Variants in MYO3B observed in about 807,000 individuals in gnomAD.
MYO3B encodes the protein myosin IIIB.
Under a neutral mutation model 174.6 loss-of-function variants are expected in MYO3B, and 156 were observed. That is an observed-to-expected ratio of 0.89 (90% CI 0.78 to 1.02). The LOEUF (loss-of-function observed/expected upper bound fraction) is 1.02. MYO3B is among the 50% of genes least tolerant of loss of function. The probability of loss-of-function intolerance (pLI) is 0.00; values close to 1 mark genes in which losing one functional copy is unlikely to be tolerated. For synonymous variants in MYO3B, 563 were observed against 569.1 expected, an observed-to-expected ratio of 0.99 and a Z score of 0.15; for missense variants, 1,632 against 1,639.4, an observed-to-expected ratio of 1.00 and a Z score of 0.08.
intron 6 of MYO3B, among the ~76,000 whole-genome samples, chr2:170,231,572 T>C (rs1201470224): frequency 6.6e-6 from 1 of 152,224 alleles, no homozygotes; most frequent in Non-Finnish European, 1.5e-5. Flanking sequence ...TAAGTTTGCA[T>C]TTCAAGGTAG....
intron 7 of MYO3B, among the ~76,000 whole-genome samples, chr2:170,266,595 A>G (rs2093385378): frequency 6.6e-6 from 1 of 152,210 alleles, no homozygotes; most frequent in Non-Finnish European, 1.5e-5. Context: ...AGAGAAGTAC[A>G]AGGACTCTGA....
chr2:170,619,882 G>T (rs1297131191), intron 32 of MYO3B, among the ~76,000 whole-genome samples: 1 of 151,210 alleles, frequency 6.6e-6, no homozygotes, highest in Non-Finnish European at 1.5e-5. Flanking sequence ...GAGTAGCTGG[G>T]ATTACAGGCA....
At chr2:170,248,321 T>A (rs2093214633) in intron 7 of MYO3B, among the ~76,000 whole-genome samples, 1 of 152,206 alleles carries the variant, frequency 6.6e-6, no homozygotes, top group Non-Finnish European at 1.5e-5. Flanking sequence ...ATCTGCCTGA[T>A]AATACTGCTT....
intron 30 of MYO3B, among the ~76,000 whole-genome samples, chr2:170,523,680 T>C (rs1688819506): frequency 6.6e-6 from 1 of 152,212 alleles, no homozygotes; most frequent in Admixed American, 6.5e-5. Flanking sequence ...GTTCTCAGCA[T>C]GTCAGTCATG....
intron 7 of MYO3B, among the ~76,000 whole-genome samples, chr2:170,327,420 T>A (rs2093877038): frequency 6.6e-6 from 1 of 152,210 alleles, no homozygotes; most frequent in Non-Finnish European, 1.5e-5. Flanking sequence ...GCTTGAAATT[T>A]AACTACAAGC....
At chr2:170,623,383 G>T (rs1414084543) in intron 32 of MYO3B, among the ~76,000 whole-genome samples, 1 of 152,180 alleles carries the variant, frequency 6.6e-6, no homozygotes, top group South Asian at 2.1e-4. Flanking sequence ...TTTGAAAAGT[G>T]TCTGTTCATA....
At chr2:170,387,046 G>A in intron 13 of MYO3B, 60 bp from the exon 14 acceptor site, 1 of 1,565,758 alleles carries the variant, frequency 6.4e-7, no homozygotes, top group South Asian at 1.1e-5. Flanking sequence ...ATGGTGCCTG[G>A]CAACTTTGCT....
chr2:170,560,239 A>G (rs1201764917), intron 32 of MYO3B, among the ~76,000 whole-genome samples: 1 of 152,220 alleles, frequency 6.6e-6, no homozygotes, highest in Non-Finnish European at 1.5e-5. Context: ...TCTCAAGAGT[A>G]TATCACCTTG....
intron 7 of MYO3B, among the ~76,000 whole-genome samples, chr2:170,297,065 A>G (rs1236837706): frequency 6.6e-6 from 1 of 152,200 alleles, no homozygotes; most frequent in African/African-American, 2.4e-5. Flanking sequence ...TCCGAACCAT[A>G]TTAATCTCCT....
chr2:170,478,756 A>G (rs1685479521), intron 25 of MYO3B, among the ~76,000 whole-genome samples: 1 of 150,044 alleles, frequency 6.7e-6, no homozygotes, highest in Admixed American at 6.7e-5. Context: ...TTTTTAGTAG[A>G]GATGGGGTTT....
At chr2:170,477,898 G>A (rs986791390) in intron 25 of MYO3B, among the ~76,000 whole-genome samples, 5 of 152,146 alleles carry the variant, frequency 3.3e-5, no homozygotes, top group Admixed American at 6.5e-5. Flanking sequence ...GCTGTTCAGC[G>A]ATGTCATCAG....
chr2:170,334,263 CGTAA>C (rs1320744585), intron 7 of MYO3B: 1 of 152,098 alleles, frequency 6.6e-6, no homozygotes, highest in African/African-American at 2.4e-5. Context: ...CACATCTAGC[CGTAA>C]GGAACTCAAG....
intron 23 of MYO3B, among the ~76,000 whole-genome samples, chr2:170,456,400 A>T (rs1391783376): frequency 6.6e-6 from 1 of 152,172 alleles, no homozygotes; most frequent in Non-Finnish European, 1.5e-5. Flanking sequence ...TAGGCAGATA[A>T]ATGAATTTCA....
At position 170,323,010 on chromosome 2, in the gene MYO3B, A is replaced by G. The variant is rs184497816; in HGVS notation, c.750-12375A>G. Among the ~76,000 whole-genome samples, 393 of 152,352 alleles carry G rather than the reference A, an allele frequency of 2.6e-3. 2 individuals carry two copies. The highest frequency in any genetic ancestry group is 3.9e-3 in the South Asian group (19 of 4,822). On this transcript the variant is annotated intron_variant, in intron 7 of 34. Coordinates refer to ENST00000408978, the MANE Select transcript of MYO3B (RefSeq NM_138995.5). ...CTTTATGGAAACAATAAAAGAAGAA[A>G]TAGATGCACAATCTGCCCTTTAAAT...
intron 7 of MYO3B, among the ~76,000 whole-genome samples, chr2:170,259,603 T>C (rs78375945): frequency 6.6e-6 from 1 of 152,268 alleles, no homozygotes; most frequent in East Asian, 1.9e-4. Flanking sequence ...AAAATCCAAC[T>C]GGAAGCCTAG....
At chr2:170,601,601 A>C (rs1227266569) in intron 32 of MYO3B, 3 of 1,168,810 alleles carry the variant, frequency 2.6e-6, no homozygotes, top group Non-Finnish European at 3.8e-6. Flanking sequence ...AAACTAGGCT[A>C]GAACCAACTT....
At chr2:170,593,824 A>G (rs1693971410) in intron 32 of MYO3B, among the ~76,000 whole-genome samples, 1 of 152,218 alleles carries the variant, frequency 6.6e-6, no homozygotes, top group Non-Finnish European at 1.5e-5. Flanking sequence ...CTTAGTAGTC[A>G]TTAGTCAGGA....
At chr2:170,205,729 T>G (rs1035047870) in intron 3 of MYO3B, among the ~76,000 whole-genome samples, 7 of 152,104 alleles carry the variant, frequency 4.6e-5, no homozygotes, top group African/African-American at 1.7e-4. Flanking sequence ...CGTCAATATC[T>G]TCCAATGGAT....
At chr2:170,217,236 G>T in intron 5 of MYO3B, 83 bp from the exon 6 acceptor site, 2 of 1,158,878 alleles carry the variant, frequency 1.7e-6, no homozygotes, top group African/African-American at 1.5e-5. Flanking sequence ...GTACTTATTT[G>T]GCCTTTGTGG....
Sources: gnomAD v4.1 joint callset for allele counts (sites outside exome capture counted in the v4.1 genomes callset) on GRCh38, gnomAD v4.1.1 for gene constraint, MANE v1.5 for transcripts, NCBI Gene and HGNC (gene_info 2026-07-23, HGNC 2026-07-21) for gene names.